The following RARB variants were observed in gnomAD, a reference collection of about 807,000 sequenced individuals.
RARB encodes retinoic acid receptor beta.
Under a neutral mutation model 51.9 loss-of-function variants are expected in RARB, and 17 were observed. That is an observed-to-expected ratio of 0.33 (90% CI 0.22 to 0.49). The LOEUF is 0.49. Among genes scored for constraint, RARB ranks in the 20% least tolerant of loss-of-function variants. The pLI, the probability that RARB is intolerant of heterozygous loss-of-function variation, is 0.99. For missense variants in RARB, 369 were observed against 550.8 expected (o/e 0.67, Z 3.30); for synonymous variants, 215 against 195.4 (o/e 1.10, Z -0.84).
At chr3:24,831,800 G>A (rs1394991635) in intron 1 of RARB, among the ~76,000 whole-genome samples, 1 of 152,006 alleles carries the variant, frequency 6.6e-6, no homozygotes, top group African/African-American at 2.4e-5. Flanking sequence ...CAATATATAC[G>A]TAATTAGGAG....
At chr3:25,521,433 A>T (rs372766527) in intron 3 of RARB, among the ~76,000 whole-genome samples, 1 of 152,172 alleles carries the variant, frequency 6.6e-6, no homozygotes, top group Non-Finnish European at 1.5e-5. Flanking sequence ...TGCTGCAGAG[A>T]GCTGACAGCT....
At chr3:25,240,701 A>G (rs1271170411) in intron 5 of RARB, among the ~76,000 whole-genome samples, 1 of 152,052 alleles carries the variant, frequency 6.6e-6, no homozygotes, top group Non-Finnish European at 1.5e-5. Flanking sequence ...ATGGTGTATT[A>G]TCTTTTTGAT....
chr3:25,113,113 A>T (rs983420794), intron 3 of RARB, among the ~76,000 whole-genome samples: 4 of 151,872 alleles, frequency 2.6e-5, no homozygotes, highest in African/African-American at 9.7e-5. Flanking sequence ...TTTTGTTCTG[A>T]TTTTTTTCTT....
At chr3:25,063,418 G>T (rs1333335338) in intron 3 of RARB, among the ~76,000 whole-genome samples, 1 of 151,944 alleles carries the variant, frequency 6.6e-6, no homozygotes, top group South Asian at 2.1e-4. Context: ...TACATTGTTT[G>T]CTTTCCATCC....
chr3:25,509,287 C>T (rs1697767599), intron 3 of RARB, among the ~76,000 whole-genome samples: 1 of 152,176 alleles, frequency 6.6e-6, no homozygotes, highest in African/African-American at 2.4e-5. Context: ...GGATTGGACT[C>T]ATGGGGTAAT....
intron 3 of RARB, among the ~76,000 whole-genome samples, chr3:25,514,266 C>G (rs1488810716): frequency 6.6e-6 from 1 of 152,146 alleles, no homozygotes; most frequent in Non-Finnish European, 1.5e-5. Flanking sequence ...TCTCCCTCTG[C>G]TATCACAAAA....
intron 5 of RARB, among the ~76,000 whole-genome samples, chr3:25,336,080 A>C (rs866388639): frequency 1.3e-5 from 2 of 152,292 alleles, no homozygotes; most frequent in Middle Eastern, 3.4e-3. Flanking sequence ...AAAAAAAAAA[A>C]AACATTCAAA....
At chr3:25,500,923 A>G (rs1463066748) in intron 2 of RARB, among the ~76,000 whole-genome samples, 1 of 152,194 alleles carries the variant, frequency 6.6e-6, no homozygotes, top group Non-Finnish European at 1.5e-5. Flanking sequence ...TTCCAAGTAA[A>G]TCAGCTTGGA....
At chr3:25,389,880 A>G (rs1042025300) in intron 5 of RARB, among the ~76,000 whole-genome samples, 1 of 152,228 alleles carries the variant, frequency 6.6e-6, no homozygotes, top group African/African-American at 2.4e-5. Flanking sequence ...GGGTAATAAT[A>G]TTTGAGTCTT....
intron 2 of RARB, among the ~76,000 whole-genome samples, chr3:24,915,348 A>AT (rs1362775281): frequency 6.6e-6 from 1 of 152,212 alleles, no homozygotes; most frequent in African/African-American, 2.4e-5. Context: ...TTTAACACAA[A>AT]TCATATTAAA....
chr3:24,859,124 C>T (rs542257097), intron 2 of RARB, among the ~76,000 whole-genome samples: 1 of 152,064 alleles, frequency 6.6e-6, no homozygotes, highest in South Asian at 2.1e-4. Flanking sequence ...TGTATTTAGC[C>T]CTACCTGGTT....
At chr3:25,058,789 A>T (rs1698491282) in intron 2 of RARB, among the ~76,000 whole-genome samples, 1 of 151,802 alleles carries the variant, frequency 6.6e-6, no homozygotes, top group Non-Finnish European at 1.5e-5. Flanking sequence ...ATGATTTTTG[A>T]ATTATTAAAA....
At chr3:24,917,558 G>C (rs950677599) in intron 2 of RARB, among the ~76,000 whole-genome samples, 8 of 152,128 alleles carry the variant, frequency 5.3e-5, no homozygotes, top group African/African-American at 1.9e-4. Flanking sequence ...TGAGACACAG[G>C]CTTGCTCTGT....
chr3:24,996,840 GA>G (rs894055521), intron 2 of RARB, among the ~76,000 whole-genome samples: 1 of 151,120 alleles, frequency 6.6e-6, no homozygotes. Context: ...TTTGGTTTGT[GA>G]AAAAAAAATT....
intron 5 of RARB, among the ~76,000 whole-genome samples, chr3:25,224,957 C>A (rs1282085878): frequency 6.6e-6 from 1 of 152,078 alleles, no homozygotes; most frequent in Non-Finnish European, 1.5e-5. Flanking sequence ...GATTTGTATT[C>A]AGAAGATAAG....
At position 25,421,403 on chromosome 3, in the gene RARB, C is replaced by CTTTTTTTTTTTT. The variant is rs766378555; in HGVS notation, c.179-39773_179-39762dup. ...TTGCACTAACATTTTTTCTTCTTTT[C>CTTTTTTTTTTTT]TTTTTTTTTTTTTTTTTTTTTTTTT... is the stretch of plus-strand genomic sequence containing the variant. On this transcript the variant is annotated intron_variant, in intron 5 of 11. Coordinates refer to the RARB transcript ENST00000383772. 3.7e-4 allele frequency among the ~76,000 whole-genome samples: 27 copies of CTTTTTTTTTTTT among 72,372 alleles called. 2 individuals are homozygous for CTTTTTTTTTTTT. The highest frequency in any genetic ancestry group is 9.0e-4 in the African/African-American group (14 of 15,482). 47.5% of individuals were successfully genotyped at this position (72,372 alleles called of 152,430 possible). A position where few individuals can be genotyped will look rare whatever the true frequency, so the allele number is the denominator to read the frequency against.
At chr3:25,537,678 A>G (rs1009404811) in intron 3 of RARB, among the ~76,000 whole-genome samples, 1 of 152,126 alleles carries the variant, frequency 6.6e-6, no homozygotes, top group African/African-American at 2.4e-5. Flanking sequence ...TATGGGCCCA[A>G]CTCTGAATCA....
intron 5 of RARB, among the ~76,000 whole-genome samples, chr3:25,333,920 T>G (rs541339045): frequency 1.9e-4 from 29 of 152,088 alleles, no homozygotes; most frequent in Admixed American, 1.8e-3. Flanking sequence ...AACAGACACA[T>G]GAAAAAATGC....
chr3:24,835,890 CT>C (rs1452198470), intron 1 of RARB, among the ~76,000 whole-genome samples: 1 of 152,166 alleles, frequency 6.6e-6, no homozygotes, highest in Non-Finnish European at 1.5e-5. Context: ...AGGTTAGATC[CT>C]TCACAAGAAA....
Sources: allele counts gnomAD v4.1 joint callset (sites outside exome capture counted in the v4.1 genomes callset), GRCh38; gene constraint gnomAD v4.1.1; transcripts MANE v1.5; gene names NCBI Gene and HGNC (gene_info 2026-07-23, HGNC 2026-07-21).